DOCK8: variants seen among roughly 807,000 people sequenced by gnomAD.
DOCK8 encodes the protein dedicator of cytokinesis 8, also known as dedicator of cytokinesis protein 8.
A neutral mutation model predicts 245.6 loss-of-function variants in DOCK8; 141 were observed. The observed-to-expected ratio is 0.57, with a 90% CI of 0.50 to 0.66. DOCK8 has a LOEUF of 0.66. Ranked by LOEUF, DOCK8 falls within the 30% of genes least tolerant of loss-of-function variation. The pLI, the probability that DOCK8 is intolerant of heterozygous loss-of-function variation, is 0.00. For synonymous variants in DOCK8, 1,168 were observed against 970.2 expected, an observed-to-expected ratio of 1.20 and a Z score of -3.79; for missense variants, 2,965 against 2,603.4, an observed-to-expected ratio of 1.14 and a Z score of -3.02.
intron 21 of DOCK8, chr9:381,356 C>T (rs894792916): frequency 7.9e-5 from 12 of 152,072 alleles, no homozygotes; most frequent in Middle Eastern, 3.4e-3. Context: ...CTGATGCCTA[C>T]GATTCTAGTA....
At chr9:422,578 C>T (rs1265413952) in intron 33 of DOCK8, among the ~76,000 whole-genome samples, 1 of 152,096 alleles carries the variant, frequency 6.6e-6, no homozygotes, top group Non-Finnish European at 1.5e-5. Flanking sequence ...TCTAAATGCT[C>T]CAGAATAGAA....
chr9:323,000 G>A (rs543939376), intron 7 of DOCK8, among the ~76,000 whole-genome samples: 3 of 150,736 alleles, frequency 2.0e-5, no homozygotes, highest in Admixed American at 1.3e-4. Context: ...GGCTGAGGCC[G>A]AAGAATCGCT....
At chr9:384,245 TGGAG>T (rs1476536190) in intron 22 of DOCK8, among the ~76,000 whole-genome samples, 1 of 152,218 alleles carries the variant, frequency 6.6e-6, no homozygotes, top group East Asian at 1.9e-4. Flanking sequence ...TTTTAAAAGA[TGGAG>T]TATACGATCC....
rs370895775 is a variant in DOCK8 at position 376,330 on chromosome 9, G to A, written c.2205+25G>A. 1.4e-4 allele frequency: 206 copies of A among 1,513,970 alleles called. 1 individual carries two copies. The African/African-American group carries it at 2.4e-3, about 18-fold the overall frequency. 93.8% of individuals were successfully genotyped at this position (1,513,970 alleles called of 1,614,324 possible). ...GGTAAGGAATGTCAAGGTTAATCATGAAGGTAAAGGTGCAGCGGAGGAGCC... is the reference window on the plus strand; with the variant it reads ...GGTAAGGAATGTCAAGGTTAATCATAAAGGTAAAGGTGCAGCGGAGGAGCC... On this transcript the variant is annotated intron_variant, in intron 19 of 47. Coordinates refer to ENST00000432829, the MANE Select transcript of DOCK8 (RefSeq NM_203447.4).
chr9:424,278 A>G (rs1276995908), intron 33 of DOCK8, among the ~76,000 whole-genome samples: 4 of 152,012 alleles, frequency 2.6e-5, no homozygotes, highest in Non-Finnish European at 5.9e-5. Context: ...GCCCAGCTGC[A>G]CCCTAGACTA....
At chr9:430,025 T>C (rs1456541872) in intron 36 of DOCK8, among the ~76,000 whole-genome samples, 171 bp downstream of exon 36, 2 of 152,252 alleles carry the variant, frequency 1.3e-5, no homozygotes, top group African/African-American at 4.8e-5. Flanking sequence ...TTAATTTGCA[T>C]CTAAAAGTGA....
chr9:262,705 C>G (rs2047946468), intron 1 of DOCK8, among the ~76,000 whole-genome samples: 1 of 151,914 alleles, frequency 6.6e-6, no homozygotes, highest in South Asian at 2.1e-4. Context: ...CATGAAGAAA[C>G]TTTTTTATTG....
chr9:325,759 C>T, intron 8 of DOCK8, 22 bp downstream of exon 8: 2 of 1,595,392 alleles, frequency 1.3e-6, no homozygotes, highest in Non-Finnish European at 1.7e-6. Flanking sequence ...AAGAAAAATC[C>T]ATCCCTAAGG....
intron 1 of DOCK8, among the ~76,000 whole-genome samples, chr9:249,561 C>G (rs974716388): frequency 6.6e-6 from 1 of 152,022 alleles, no homozygotes; most frequent in Non-Finnish European, 1.5e-5. Flanking sequence ...AGAGTAAAAA[C>G]TATTACTCTT....
chr9:288,459 G>T (rs182841507), intron 3 of DOCK8, among the ~76,000 whole-genome samples: 244 of 152,336 alleles, frequency 1.6e-3, no homozygotes, highest in Non-Finnish European at 2.7e-3. Context: ...AGTAATGCCT[G>T]CCCTATGGTG....
chr9:250,388 G>T (rs1252882705), intron 1 of DOCK8, among the ~76,000 whole-genome samples: 1 of 152,142 alleles, frequency 6.6e-6, no homozygotes, highest in Non-Finnish European at 1.5e-5. Flanking sequence ...TTCAAGGAAT[G>T]AAACAATTAA....
intron 5 of DOCK8, among the ~76,000 whole-genome samples, chr9:307,564 G>C (rs1306169751): frequency 1.3e-5 from 2 of 151,790 alleles, no homozygotes; most frequent in African/African-American, 4.8e-5. Flanking sequence ...CTCCATGTTG[G>C]TCAGGCTGAT....
intron 33 of DOCK8, among the ~76,000 whole-genome samples, chr9:425,415 C>T (rs1000381295): frequency 2.1e-4 from 32 of 151,916 alleles, no homozygotes; most frequent in Non-Finnish European, 2.5e-4. Context: ...GCCTGTAGTC[C>T]CAGCTACTCG....
chr9:326,635 C>T (rs1043772024), intron 8 of DOCK8, among the ~76,000 whole-genome samples: 1 of 152,216 alleles, frequency 6.6e-6, no homozygotes, highest in Admixed American at 6.5e-5. Context: ...GTCTTTGTTT[C>T]TTTAACCATC....
At chr9:410,724 G>T (rs1468659871) in intron 28 of DOCK8, among the ~76,000 whole-genome samples, 1 of 152,156 alleles carries the variant, frequency 6.6e-6, no homozygotes. Context: ...AAAGGTGATA[G>T]CCAAAATAAA....
chr9:295,334 T>C (rs2130449005), intron 4 of DOCK8, among the ~76,000 whole-genome samples: 1 of 152,262 alleles, frequency 6.6e-6, no homozygotes, highest in South Asian at 2.1e-4. Flanking sequence ...CTTTGCGTGG[T>C]GCTGGGACTG....
intron 1 of DOCK8, among the ~76,000 whole-genome samples, chr9:251,461 G>T (rs1192344875): frequency 6.6e-6 from 1 of 152,182 alleles, no homozygotes; most frequent in Non-Finnish European, 1.5e-5. Context: ...CTTTTTAGTA[G>T]TCAGGGGCAA....
chr9:286,816 T>G (rs1291617432), intron 3 of DOCK8, among the ~76,000 whole-genome samples, 180 bp downstream of exon 3: 1 of 152,182 alleles, frequency 6.6e-6, no homozygotes, highest in African/African-American at 2.4e-5. Flanking sequence ...TAAATTAGTT[T>G]GGCCAGAGAT....
intron 4 of DOCK8, among the ~76,000 whole-genome samples, chr9:293,630 T>C (rs1018454444): frequency 9.2e-5 from 14 of 152,208 alleles, no homozygotes; most frequent in African/African-American, 3.4e-4. Flanking sequence ...GAGTTCCCCT[T>C]TGGGGAGACA....
Sources: allele counts gnomAD v4.1 joint callset (sites outside exome capture counted in the v4.1 genomes callset), GRCh38; gene constraint gnomAD v4.1.1; transcripts MANE v1.5; gene names NCBI Gene and HGNC (gene_info 2026-07-23, HGNC 2026-07-21).